Variants in ZFPM2 observed in about 807,000 individuals in gnomAD.
The protein encoded by ZFPM2 is zinc finger protein ZFPM2.
A neutral mutation model predicts 98.6 loss-of-function variants in ZFPM2; 20 were observed. The ratio of observed to expected loss-of-function variants is 0.20; its 90% confidence interval spans 0.14 to 0.29. The LOEUF is 0.29. Ranked by LOEUF, ZFPM2 falls within the 10% of genes least tolerant of loss-of-function variation. ZFPM2 has a pLI of 1.00. For synonymous variants in ZFPM2, 518 were observed against 502.7 expected, an observed-to-expected ratio of 1.03 and a Z score of -0.41; for missense variants, 1,310 against 1,388.6, an observed-to-expected ratio of 0.94 and a Z score of 0.90.
intron 4 of ZFPM2, among the ~76,000 whole-genome samples, chr8:105,599,521 G>T (rs573215467): frequency 6.6e-6 from 1 of 151,926 alleles, no homozygotes; most frequent in African/African-American, 2.4e-5. Context: ...AGCACCAAGC[G>T]TCACAAGCCA....
In ZFPM2 at chr8:105,801,780, C is replaced by T; in HGVS notation, c.1698C>T (p.His566=). 2 of 1,613,866 alleles carry T rather than the reference C, an allele frequency of 1.2e-6. No individual in the cohort carries two copies. The highest frequency in any genetic ancestry group is 1.7e-6 in the Non-Finnish European group (2 of 1,179,862). ...ATAATTTGGATAATTATCTAGTGCA[C>T]AAAAAGCATTATTGCAGCAGCCGAT... ...TFNNLDNYLV[H]KKHYCSSRWQ... Residue 566 remains histidine (H), a synonymous_variant, in exon 8 of 8, where the codon CAC becomes CAT. Coordinates refer to ENST00000407775, the MANE Select transcript of ZFPM2 (RefSeq NM_012082.4).
chr8:105,541,250 C>T (rs538332395), intron 3 of ZFPM2, among the ~76,000 whole-genome samples: 49 of 152,216 alleles, frequency 3.2e-4, no homozygotes, highest in African/African-American at 1.1e-3. Context: ...TTAATTATTA[C>T]AAGAATCCTG....
At chr8:105,473,241 A>C (rs1043381341) in intron 3 of ZFPM2, among the ~76,000 whole-genome samples, 4 of 151,656 alleles carry the variant, frequency 2.6e-5, no homozygotes, top group African/African-American at 7.3e-5. Context: ...TTAGGATCCA[A>C]CTCAGGATCT....
chr8:105,415,892 G>T (rs1451768282), intron 1 of ZFPM2, among the ~76,000 whole-genome samples: 4 of 152,042 alleles, frequency 2.6e-5, no homozygotes, highest in African/African-American at 4.8e-5. Context: ...GTCATCAAAT[G>T]ACCTTCCTAT....
intron 1 of ZFPM2, among the ~76,000 whole-genome samples, chr8:105,329,782 G>T (rs1271539102): frequency 1.3e-5 from 2 of 151,636 alleles, no homozygotes; most frequent in Admixed American, 6.6e-5. Context: ...ACCTTGGTTG[G>T]CACAATGGGA....
chr8:105,516,878 A>G (rs558476368), intron 3 of ZFPM2, among the ~76,000 whole-genome samples: 2 of 152,336 alleles, frequency 1.3e-5, no homozygotes, highest in South Asian at 4.1e-4. Context: ...ACTTTCCAGG[A>G]AAAGAAAGTG....
At chr8:105,534,265 T>A in intron 3 of ZFPM2, among the ~76,000 whole-genome samples, 1 of 50,828 alleles carries the variant, frequency 2.0e-5, no homozygotes, top group Non-Finnish European at 3.7e-5. Context: ...CTTCCTCCTT[T>A]CCTTCCTTCT....
intron 3 of ZFPM2, among the ~76,000 whole-genome samples, chr8:105,542,163 T>C (rs1396846232): frequency 1.3e-5 from 2 of 152,126 alleles, no homozygotes; most frequent in Admixed American, 6.6e-5. Flanking sequence ...ATTTATTGAT[T>C]GATAGTGAGT....
chr8:105,739,015 C>T (rs758033604), intron 5 of ZFPM2, among the ~76,000 whole-genome samples: 4 of 151,900 alleles, frequency 2.6e-5, no homozygotes, highest in Non-Finnish European at 5.9e-5. Context: ...CAACTCACAC[C>T]GGATTAGAAT....
chr8:105,558,950 A>G (rs1276500791), intron 3 of ZFPM2, among the ~76,000 whole-genome samples: 2 of 152,206 alleles, frequency 1.3e-5, no homozygotes, highest in African/African-American at 4.8e-5. Context: ...CTCCTAGCCA[A>G]TAGAAATTAA....
chr8:105,458,060 C>G (rs771331715), intron 3 of ZFPM2, among the ~76,000 whole-genome samples: 4 of 152,270 alleles, frequency 2.6e-5, no homozygotes, highest in Admixed American at 6.5e-5. Context: ...GCTGACTTGG[C>G]TCTTGGCTGT....
At chr8:105,490,182 G>A (rs1332395815) in intron 3 of ZFPM2, among the ~76,000 whole-genome samples, 2 of 152,118 alleles carry the variant, frequency 1.3e-5, no homozygotes, top group Non-Finnish European at 2.9e-5. Context: ...GGGAGGCGGA[G>A]GTTGCAGTGA....
intron 1 of ZFPM2, among the ~76,000 whole-genome samples, chr8:105,320,640 TAATA>T (rs1812007162): frequency 6.6e-6 from 1 of 152,182 alleles, no homozygotes; most frequent in Non-Finnish European, 1.5e-5. Flanking sequence ...CTGGGTTTGT[TAATA>T]AATAATTAAT....
chr8:105,634,401 C>A, intron 5 of ZFPM2, 44 bp downstream of exon 5: 1 of 1,478,820 alleles, frequency 6.8e-7, no homozygotes, highest in Non-Finnish European at 9.3e-7. Context: ...AGTATTAAAA[C>A]CTGAGCATTG....
intron 1 of ZFPM2, among the ~76,000 whole-genome samples, chr8:105,360,030 T>C (rs568991138): frequency 9.8e-5 from 15 of 152,354 alleles, no homozygotes; most frequent in African/African-American, 3.6e-4. Context: ...AGCAACCTTA[T>C]TCTGGCCCTA....
rs544691261 is a variant in ZFPM2, at chr8:105,716,239, A to G, written c.533-72479A>G. Among the ~76,000 whole-genome samples the G allele has an allele frequency of 3.1e-4, 47 of 150,432 alleles. No homozygotes were observed. The South Asian group carries it at 5.0e-3, about 16-fold the overall frequency. ...ATGTTTATATATTGATTTTATCTATATTTTATCCATATAAAATTTTATCCA... is the reference window on the plus strand; with the variant it reads ...ATGTTTATATATTGATTTTATCTATGTTTTATCCATATAAAATTTTATCCA... On this transcript the variant is annotated intron_variant, in intron 5 of 7. Coordinates refer to ENST00000407775, the MANE Select transcript of ZFPM2 (RefSeq NM_012082.4).
chr8:105,474,130 G>T (rs1290345853), intron 3 of ZFPM2, among the ~76,000 whole-genome samples: 1 of 152,170 alleles, frequency 6.6e-6, no homozygotes, highest in African/African-American at 2.4e-5. Flanking sequence ...TACTGGATGT[G>T]CTCCCGAATA....
chr8:105,648,675 A>G (rs1396036106), intron 5 of ZFPM2, among the ~76,000 whole-genome samples: 1 of 152,146 alleles, frequency 6.6e-6, no homozygotes, highest in Non-Finnish European at 1.5e-5. Context: ...TTTGTCAAAG[A>G]TCAGATGGTT....
chr8:105,737,908 G>C (rs1252809624), intron 5 of ZFPM2: 1 of 151,706 alleles, frequency 6.6e-6, no homozygotes, highest in African/African-American at 2.4e-5. Flanking sequence ...TATAATGGGA[G>C]CAAAATACAA....
Sources: gnomAD v4.1 joint callset for allele counts (sites outside exome capture counted in the v4.1 genomes callset) on GRCh38, gnomAD v4.1.1 for gene constraint, MANE v1.5 for transcripts, NCBI Gene and HGNC (gene_info 2026-07-23, HGNC 2026-07-21) for gene names.